PRICKLE1: variants seen among roughly 807,000 people sequenced by gnomAD.
PRICKLE1 encodes the protein prickle-like protein 1.
A neutral mutation model predicts 70.2 loss-of-function variants in PRICKLE1; 14 were observed. That is an observed-to-expected ratio of 0.20 (90% CI 0.13 to 0.31). The LOEUF (loss-of-function observed/expected upper bound fraction) is 0.31. PRICKLE1 is among the 10% of genes least tolerant of loss of function. PRICKLE1 has a pLI of 1.00. For synonymous variants in PRICKLE1, 357 were observed against 379.9 expected, an observed-to-expected ratio of 0.94 and a Z score of 0.70; for missense variants, 821 against 1,026.2, an observed-to-expected ratio of 0.80 and a Z score of 2.73.
At chr12:42,567,126 A>G (rs78948125) in intron 1 of PRICKLE1, among the ~76,000 whole-genome samples, 1,882 of 152,358 alleles carry the variant, frequency 0.012, 30 homozygotes, top group African/African-American at 0.043. Flanking sequence ...TACGCCAAGT[A>G]TACAGAGGTT....
At chr12:42,479,763 C>T (rs1593125780) in intron 1 of PRICKLE1, among the ~76,000 whole-genome samples, 1 of 152,166 alleles carries the variant, frequency 6.6e-6, no homozygotes, top group Non-Finnish European at 1.5e-5. Flanking sequence ...CGAGACCAGC[C>T]TGATCAACAT....
intron 1 of PRICKLE1, among the ~76,000 whole-genome samples, chr12:42,514,894 T>TATCTATC (rs199591114): frequency 0.1 from 8,670 of 86,976 alleles, 254 homozygotes; most frequent in Admixed American, 0.15. Flanking sequence ...TCGCTCTATC[T>TATCTATC]ATCTATCTAT....
intron 1 of PRICKLE1, among the ~76,000 whole-genome samples, chr12:42,518,870 GA>G (rs1305346167): frequency 6.6e-5 from 10 of 152,084 alleles, no homozygotes; most frequent in Non-Finnish European, 1.5e-4. Context: ...TTATTAATTA[GA>G]TTTAAGAAGT....
chr12:42,510,982 ACTC>A (rs1939502273), intron 1 of PRICKLE1, among the ~76,000 whole-genome samples: 1 of 152,114 alleles, frequency 6.6e-6, no homozygotes, highest in Non-Finnish European at 1.5e-5. Context: ...AAACAAAAGG[ACTC>A]CTCCAACTGG....
intron 1 of PRICKLE1, among the ~76,000 whole-genome samples, chr12:42,505,011 G>A (rs1939382737): frequency 1.3e-5 from 2 of 152,102 alleles, no homozygotes; most frequent in South Asian, 4.2e-4. Flanking sequence ...GTGGTGGCGG[G>A]CACCTGTAGA....
chr12:42,578,812 G>C (rs1401489301), intron 1 of PRICKLE1, among the ~76,000 whole-genome samples: 1 of 149,410 alleles, frequency 6.7e-6, no homozygotes, highest in Non-Finnish European at 1.5e-5. Context: ...GACCAAGATG[G>C]AGTGCAATGG....
chr12:42,548,910 C>T (rs1940258037), intron 1 of PRICKLE1, among the ~76,000 whole-genome samples: 1 of 152,064 alleles, frequency 6.6e-6, no homozygotes, highest in South Asian at 2.1e-4. Flanking sequence ...CAGTTGAGGC[C>T]AGGAGTTTGA....
At chr12:42,519,193 C>CTTTTTTTTTTTTTTTTTTTT (rs11342397) in intron 1 of PRICKLE1, among the ~76,000 whole-genome samples, 20 of 99,186 alleles carry the variant, frequency 2.0e-4, no homozygotes, top group South Asian at 3.8e-4. Context: ...CCTTTTTTTC[C>CTTTTTTTTTTTTTTTTTTTT]TTTTTTTTTT....
intron 1 of PRICKLE1, among the ~76,000 whole-genome samples, chr12:42,582,150 A>T (rs1272974223): frequency 6.6e-6 from 1 of 152,220 alleles, no homozygotes; most frequent in Non-Finnish European, 1.5e-5. Context: ...AAGCTTATAG[A>T]AGGCCCACAA....
At chr12:42,497,072 C>G (rs577114659) in intron 1 of PRICKLE1, among the ~76,000 whole-genome samples, 1 of 152,302 alleles carries the variant, frequency 6.6e-6, no homozygotes, top group African/African-American at 2.4e-5. Context: ...TTAATCATTT[C>G]TAGCTTTTGA....
intron 1 of PRICKLE1, among the ~76,000 whole-genome samples, chr12:42,579,168 A>T (rs1349571181): frequency 1.3e-5 from 2 of 152,224 alleles, no homozygotes; most frequent in Non-Finnish European, 2.9e-5. Flanking sequence ...CAGTGCTATG[A>T]AAAAAGGTAC....
intron 1 of PRICKLE1, among the ~76,000 whole-genome samples, chr12:42,515,430 G>C (rs139736709): frequency 1.3e-5 from 2 of 152,032 alleles, no homozygotes; most frequent in African/African-American, 4.8e-5. Flanking sequence ...TAGAGACGGA[G>C]TTTCACCAAG....
At chr12:42,563,789 T>TTTA (rs1940571096) in intron 1 of PRICKLE1, among the ~76,000 whole-genome samples, 1 of 151,718 alleles carries the variant, frequency 6.6e-6, no homozygotes, top group Non-Finnish European at 1.5e-5. Flanking sequence ...TTGTTTAATA[T>TTTA]TTAAATAGAG....
intron 1 of PRICKLE1, among the ~76,000 whole-genome samples, chr12:42,545,179 T>C (rs894587496): frequency 6.6e-6 from 1 of 152,108 alleles, no homozygotes; most frequent in Non-Finnish European, 1.5e-5. Context: ...AATTTTTTTA[T>C]TTTTTGTAGA....
rs11404256 is a variant in PRICKLE1, at chr12:42,457,177, C to CA, written c.*2631dup. ...GGGCAACAGGAGCGAAACTCCATCTCAAAAAAAAAAAAAAAAGGAAAAGAA... is the reference window on the plus strand; with the variant it reads ...GGGCAACAGGAGCGAAACTCCATCTCAAAAAAAAAAAAAAAAAGGAAAAGAA... On this transcript the variant is annotated 3_prime_UTR_variant, in exon 8 of 8. Transcript: ENST00000345127. 0.53 allele frequency: 60,669 copies of CA among 114,638 alleles called. 14,402 individuals carry two copies. The highest frequency in any genetic ancestry group is 0.64 in the Middle Eastern group (145 of 228). The allele number at this position is 114,638 out of a possible 1,614,324, so 7.1% of individuals were successfully genotyped here.
chr12:42,516,995 C>T (rs1283005951), intron 1 of PRICKLE1, among the ~76,000 whole-genome samples: 1 of 152,130 alleles, frequency 6.6e-6, no homozygotes, highest in Non-Finnish European at 1.5e-5. Flanking sequence ...GCCTGTGTTT[C>T]ATAGTGTAGA....
At chr12:42,497,597 C>T (rs1336503208) in intron 1 of PRICKLE1, among the ~76,000 whole-genome samples, 1 of 149,862 alleles carries the variant, frequency 6.7e-6, no homozygotes, top group Non-Finnish European at 1.5e-5. Context: ...TATATGGGCA[C>T]AGTTCATGGT....
chr12:42,559,201 G>A (rs1242953871), intron 1 of PRICKLE1, among the ~76,000 whole-genome samples: 3 of 152,044 alleles, frequency 2.0e-5, no homozygotes, highest in African/African-American at 7.3e-5. Flanking sequence ...ACTGTTTCCT[G>A]GTGGCTTTTA....
intron 1 of PRICKLE1, among the ~76,000 whole-genome samples, chr12:42,586,298 T>C (rs943945729): frequency 2.6e-5 from 4 of 152,182 alleles, no homozygotes; most frequent in African/African-American, 4.8e-5. Flanking sequence ...GAGACAGCTA[T>C]TTTTTCCAAG....
Sources: allele counts gnomAD v4.1 joint callset (sites outside exome capture counted in the v4.1 genomes callset), GRCh38; gene constraint gnomAD v4.1.1; transcripts MANE v1.5; gene names NCBI Gene and HGNC (gene_info 2026-07-23, HGNC 2026-07-21).